NCOA2: variants seen among roughly 807,000 people sequenced by gnomAD.
NCOA2 encodes nuclear receptor coactivator 2, also known as class E basic helix-loop-helix protein 75.
NCOA2 carries 21 observed loss-of-function variants against 145.1 expected under a neutral mutation model. That is an observed-to-expected ratio of 0.14 (90% CI 0.10 to 0.21). NCOA2 has a LOEUF of 0.21. Ranked by LOEUF, NCOA2 falls within the 10% of genes least tolerant of loss-of-function variation. NCOA2 has a pLI of 1.00. For synonymous variants in NCOA2, 619 were observed against 637.5 expected, an observed-to-expected ratio of 0.97 and a Z score of 0.44; for missense variants, 1,472 against 1,837.6, an observed-to-expected ratio of 0.80 and a Z score of 3.64.
chr8:70,169,514 A>G (rs1813991793), intron 6 of NCOA2, among the ~76,000 whole-genome samples: 1 of 152,208 alleles, frequency 6.6e-6, no homozygotes, highest in African/African-American at 2.4e-5. Flanking sequence ...TGAATCTCAA[A>G]CTTCTCATGA....
intron 22 of NCOA2, among the ~76,000 whole-genome samples, chr8:70,120,336 C>A (rs976966395): frequency 2.0e-5 from 3 of 152,204 alleles, no homozygotes; most frequent in African/African-American, 4.8e-5. Context: ...TGCAAGAGAT[C>A]TGCTGCTAGG....
chr8:70,159,243 T>TATATA lies in NCOA2; in HGVS notation c.1124+261_1124+262insTATAT, dbSNP rs869045939. ...AACATTATATATATATATATATATA[T>TATATA]TTTTTTTTTTTTCCCCCAAATATTT... On this transcript the variant is annotated intron_variant, in intron 10 of 22. Transcript: ENST00000452400. Among the ~76,000 whole-genome samples, 67 of 82,056 alleles carry TATATA rather than the reference T, an allele frequency of 8.2e-4. 2 individuals are homozygous for TATATA. Among genetic ancestry groups the TATATA allele is most frequent in the African/African-American group, 2.8e-3 (57 of 20,108 alleles). 53.8% of individuals were successfully genotyped at this position (82,056 alleles called of 152,430 possible).
intron 2 of NCOA2, among the ~76,000 whole-genome samples, chr8:70,283,014 G>A (rs1825996647): frequency 6.6e-6 from 1 of 152,156 alleles, no homozygotes; most frequent in Non-Finnish European, 1.5e-5. Context: ...CCCACAAGCA[G>A]GGCTAAACAC....
intron 1 of NCOA2, among the ~76,000 whole-genome samples, chr8:70,324,711 A>C (rs1806399028): frequency 6.6e-6 from 1 of 152,126 alleles, no homozygotes; most frequent in African/African-American, 2.4e-5. Flanking sequence ...TTTCTTACTC[A>C]TTCCAAGAAG....
At chr8:70,439,568 G>A in the NCOA2 span, among the ~76,000 whole-genome samples, 8 of 152,210 alleles carry the variant, frequency 5.3e-5, no homozygotes, top group Non-Finnish European at 1.2e-4. Flanking sequence ...AGTAGAACGC[G>A]TGGCTCTGCC....
chr8:70,184,320 C>T (rs1457718270), intron 4 of NCOA2, among the ~76,000 whole-genome samples: 1 of 152,166 alleles, frequency 6.6e-6, no homozygotes, highest in Admixed American at 6.5e-5. Flanking sequence ...CTGGGTAACA[C>T]AGACATTTTT....
chr8:70,382,748 C>T (rs1436475730), intron 1 of NCOA2, among the ~76,000 whole-genome samples: 9 of 152,184 alleles, frequency 5.9e-5, no homozygotes, highest in East Asian at 3.8e-4. Context: ...AATGCTTGCA[C>T]GCGTTCCAGA....
rs4606094 is a variant in NCOA2 at position 70,201,342 on chromosome 8, A to G, written c.259+12561T>C. Among the ~76,000 whole-genome samples, 135 of 152,304 alleles carry G rather than the reference A, an allele frequency of 8.9e-4. No individual in the cohort carries two copies. The East Asian group carries it at 0.025, about 29-fold the overall frequency. On this transcript the variant is annotated intron_variant, in intron 4 of 22. Transcript: ENST00000452400. The stretch of plus-strand genomic sequence containing the variant: ...GACATGCTGATAAACACACCTCTGG[A>G]GTAAAAGCTGGACTAGCAATCATAA...
At chr8:70,185,989 A>G (rs1255409948) in intron 4 of NCOA2, among the ~76,000 whole-genome samples, 1 of 150,650 alleles carries the variant, frequency 6.6e-6, no homozygotes, top group Non-Finnish European at 1.5e-5. Context: ...TTTTTTTTTT[A>G]ACCTATTAGA....
chr8:70,417,663 T>A, the NCOA2 span, among the ~76,000 whole-genome samples: 3 of 152,200 alleles, frequency 2.0e-5, no homozygotes, highest in South Asian at 6.2e-4. Flanking sequence ...CGTGGTTTTT[T>A]ACCCGGTCAG....
At chr8:70,430,629 G>A in the NCOA2 span, among the ~76,000 whole-genome samples, 17 of 152,122 alleles carry the variant, frequency 1.1e-4, 1 homozygote, top group Admixed American at 7.9e-4. Flanking sequence ...AGGTTAGTTC[G>A]GCATTACGTT....
intron 2 of NCOA2, among the ~76,000 whole-genome samples, chr8:70,233,209 G>A (rs955591261): frequency 6.6e-6 from 1 of 151,816 alleles, no homozygotes; most frequent in East Asian, 1.9e-4. Flanking sequence ...CTGGGTGACA[G>A]AGTGAGACTC....
chr8:70,238,210 A>G (rs1042834091), intron 2 of NCOA2, among the ~76,000 whole-genome samples: 8 of 152,212 alleles, frequency 5.3e-5, no homozygotes, highest in Non-Finnish European at 8.8e-5. Flanking sequence ...TACGTAGGTG[A>G]GAAAATACAC....
chr8:70,268,310 C>G (rs144470677), intron 2 of NCOA2, among the ~76,000 whole-genome samples: 195 of 152,284 alleles, frequency 1.3e-3, no homozygotes, highest in African/African-American at 4.5e-3. Context: ...ACATCCACCC[C>G]AGAAAGATAA....
chr8:70,123,163 T>A (rs1808014174), intron 21 of NCOA2, among the ~76,000 whole-genome samples: 1 of 152,212 alleles, frequency 6.6e-6, no homozygotes, highest in Non-Finnish European at 1.5e-5. Flanking sequence ...CAGAATCATT[T>A]TGATGTTGTT....
intron 1 of NCOA2, among the ~76,000 whole-genome samples, chr8:70,359,746 A>G (rs190908313): frequency 9.2e-5 from 14 of 152,296 alleles, no homozygotes; most frequent in Admixed American, 3.9e-4. Context: ...TTTTTTTAAT[A>G]TCTTCTTTGT....
chr8:70,381,751 T>A (rs1812212651), intron 1 of NCOA2, among the ~76,000 whole-genome samples: 1 of 152,228 alleles, frequency 6.6e-6, no homozygotes, highest in Admixed American at 6.5e-5. Flanking sequence ...TAACACATTT[T>A]ACTTGACATT....
chr8:70,349,740 TTTC>T (rs1397293609), intron 1 of NCOA2, among the ~76,000 whole-genome samples: 1 of 152,154 alleles, frequency 6.6e-6, no homozygotes. Flanking sequence ...TATCTCAGAT[TTTC>T]TTTACTATTC....
intron 1 of NCOA2, among the ~76,000 whole-genome samples, chr8:70,373,014 C>A (rs911944031): frequency 6.6e-6 from 1 of 152,098 alleles, no homozygotes; most frequent in Non-Finnish European, 1.5e-5. Context: ...ATTTACTCTA[C>A]CCATGGACAT....
Sources: allele counts gnomAD v4.1 joint callset (sites outside exome capture counted in the v4.1 genomes callset), GRCh38; gene constraint gnomAD v4.1.1; transcripts MANE v1.5; gene names NCBI Gene and HGNC (gene_info 2026-07-23, HGNC 2026-07-21).